Variants in ARB2A observed in about 807,000 individuals in gnomAD.
ARB2A encodes cotranscriptional regulator ARB2A.
At chr5:94,098,130 C>A in the ARB2A span, among the ~76,000 whole-genome samples, 2 of 152,022 alleles carry the variant, frequency 1.3e-5, no homozygotes, top group Non-Finnish European at 2.9e-5. Flanking sequence ...TGACTGAAAC[C>A]AACTTAAAGA....
the ARB2A span, chr5:94,055,851 T>C: frequency 1.0e-6 from 1 of 985,346 alleles, no homozygotes; most frequent in Non-Finnish European, 1.2e-6. Flanking sequence ...AAACTGTCCA[T>C]ACATAAGCAG....
the ARB2A span, among the ~76,000 whole-genome samples, chr5:93,656,673 C>CA: frequency 6.6e-6 from 1 of 151,974 alleles, no homozygotes; most frequent in Non-Finnish European, 1.5e-5. Context: ...TTAAAAGAAA[C>CA]AAAAAAGCAA....
At chr5:93,916,248 A>G in the ARB2A span, among the ~76,000 whole-genome samples, 3 of 152,130 alleles carry the variant, frequency 2.0e-5, no homozygotes, top group East Asian at 5.8e-4. Context: ...GACAGAAGCA[A>G]ACTGTCAACC....
At chr5:93,867,080 T>C in the ARB2A span, among the ~76,000 whole-genome samples, 1 of 152,202 alleles carries the variant, frequency 6.6e-6, no homozygotes, top group African/African-American at 2.4e-5. Context: ...GATTTTACTT[T>C]TAATAGATTT....
chr5:93,781,179 T>C, the ARB2A span, among the ~76,000 whole-genome samples: 2 of 152,176 alleles, frequency 1.3e-5, no homozygotes, highest in African/African-American at 2.4e-5. Context: ...TTCCACCTTT[T>C]GGAGTCTCCA....
chr5:93,652,451 T>C, the ARB2A span, among the ~76,000 whole-genome samples: 1 of 152,232 alleles, frequency 6.6e-6, no homozygotes, highest in Non-Finnish European at 1.5e-5. Context: ...TGTCATCTTC[T>C]ATTTTATCAG....
chr5:93,654,276 T>G, the ARB2A span, among the ~76,000 whole-genome samples: 1 of 152,192 alleles, frequency 6.6e-6, no homozygotes, highest in Non-Finnish European at 1.5e-5. Flanking sequence ...TGTGTAATAG[T>G]TGAAATTTGA....
the ARB2A span, among the ~76,000 whole-genome samples, chr5:93,936,916 T>G: frequency 2.0e-5 from 3 of 151,864 alleles, no homozygotes; most frequent in African/African-American, 7.3e-5. Context: ...ACCACTCAAC[T>G]GATACATTTT....
the ARB2A span, chr5:93,741,566 G>A: frequency 9.1e-6 from 14 of 1,537,222 alleles, no homozygotes; most frequent in African/African-American, 2.8e-5. Flanking sequence ...CCGGCCATGG[G>A]TGGAATGGCA....
the ARB2A span, among the ~76,000 whole-genome samples, chr5:93,661,219 T>G: frequency 6.6e-6 from 1 of 151,996 alleles, no homozygotes; most frequent in African/African-American, 2.4e-5. Context: ...AAATACAGAG[T>G]ACTATGGGAG....
At chr5:93,773,281 C>T in the ARB2A span, among the ~76,000 whole-genome samples, 1 of 152,106 alleles carries the variant, frequency 6.6e-6, no homozygotes, top group South Asian at 2.1e-4. Flanking sequence ...TCTCCTTATG[C>T]CACTGAATCA....
At chr5:93,990,481 T>C in the ARB2A span, among the ~76,000 whole-genome samples, 13 of 151,900 alleles carry the variant, frequency 8.6e-5, 1 homozygote, top group Non-Finnish European at 1.9e-4. Flanking sequence ...TTGAACATAA[T>C]GATGTAGGTT....
chr5:93,963,501 C>T, the ARB2A span, among the ~76,000 whole-genome samples: 6 of 151,742 alleles, frequency 4.0e-5, no homozygotes, highest in Non-Finnish European at 7.4e-5. Flanking sequence ...AGGTTACTTA[C>T]GGAAAATCAA....
chr5:93,725,188 G>T, the ARB2A span, among the ~76,000 whole-genome samples: 1 of 151,912 alleles, frequency 6.6e-6, no homozygotes, highest in South Asian at 2.1e-4. Context: ...AATAAGGGGG[G>T]AACTACTGTA....
At chr5:93,885,523 A>G in the ARB2A span, among the ~76,000 whole-genome samples, 3 of 151,646 alleles carry the variant, frequency 2.0e-5, no homozygotes, top group Non-Finnish European at 3.0e-5. Flanking sequence ...AACTTCTGGC[A>G]TCCTTTATAA....
At chr5:93,643,588 G>A in the ARB2A span, among the ~76,000 whole-genome samples, 8 of 152,112 alleles carry the variant, frequency 5.3e-5, no homozygotes, top group Admixed American at 5.2e-4. Flanking sequence ...TCCGCCTCCT[G>A]GGTTCAAGTG....
At chr5:93,708,505 T>A in the ARB2A span, among the ~76,000 whole-genome samples, 1 of 152,170 alleles carries the variant, frequency 6.6e-6, no homozygotes, top group African/African-American at 2.4e-5. Flanking sequence ...CCTCAGATCA[T>A]CATGCGTTAG....
the ARB2A span, among the ~76,000 whole-genome samples, chr5:94,071,416 A>G: frequency 6.6e-6 from 1 of 152,162 alleles, no homozygotes; most frequent in South Asian, 2.1e-4. Context: ...AGAATTAAAA[A>G]TGTTTGCCCT....
chr5:94,004,257 T>C, the ARB2A span, among the ~76,000 whole-genome samples: 182 of 152,252 alleles, frequency 1.2e-3, 1 homozygote, highest in African/African-American at 4.2e-3. Context: ...ATCTTTAGGA[T>C]CTAGGAGTAG....
Sources: allele counts gnomAD v4.1 joint callset (sites outside exome capture counted in the v4.1 genomes callset), GRCh38; gene constraint gnomAD v4.1.1; transcripts MANE v1.5; gene names NCBI Gene and HGNC (gene_info 2026-07-23, HGNC 2026-07-21).